Variants in UBAC2 observed in about 807,000 individuals in gnomAD.
UBAC2 encodes the protein ubiquitin-associated domain-containing protein 2.
In UBAC2, 26 loss-of-function variants were observed where a neutral mutation model predicts 44.0. The observed-to-expected ratio is 0.59, with a 90% CI of 0.43 to 0.82. The LOEUF is 0.82. Ranked by LOEUF, UBAC2 falls within the 40% of genes least tolerant of loss-of-function variation. The pLI is 0.00. For synonymous variants in UBAC2, 155 were observed against 154.3 expected, an observed-to-expected ratio of 1.00 and a Z score of -0.04; for missense variants, 329 against 419.4, an observed-to-expected ratio of 0.78 and a Z score of 1.88.
At chr13:99,279,607 C>T (rs1483451692) in intron 4 of UBAC2, among the ~76,000 whole-genome samples, 2 of 152,218 alleles carry the variant, frequency 1.3e-5, no homozygotes, top group Admixed American at 6.5e-5. Context: ...TGCCTCACTG[C>T]CTTAGCCTGT....
intron 4 of UBAC2, among the ~76,000 whole-genome samples, chr13:99,259,730 C>A (rs34286895): frequency 1.3e-5 from 2 of 152,332 alleles, no homozygotes; most frequent in East Asian, 3.9e-4. Flanking sequence ...TGCCTGCATG[C>A]AGACCTAATC....
chr13:99,259,598 TTA>T (rs2138639203), intron 4 of UBAC2, among the ~76,000 whole-genome samples: 1 of 152,322 alleles, frequency 6.6e-6, no homozygotes, highest in East Asian at 1.9e-4. Context: ...TATGAGGTAA[TTA>T]TATTGATCTG....
intron 7 of UBAC2, among the ~76,000 whole-genome samples, chr13:99,355,815 C>T (rs537266005): frequency 1.4e-3 from 206 of 152,342 alleles, no homozygotes; most frequent in Non-Finnish European, 2.4e-3. Context: ...GTGCAGGGGG[C>T]CTGGAGGGCA....
intron 4 of UBAC2, among the ~76,000 whole-genome samples, chr13:99,245,386 G>A: frequency 6.6e-6 from 1 of 152,152 alleles, no homozygotes; most frequent in East Asian, 1.9e-4. Context: ...AACAAAGCCG[G>A]TGTATAGGTT....
intron 4 of UBAC2, among the ~76,000 whole-genome samples, chr13:99,297,597 G>C (rs987062566): frequency 6.6e-6 from 1 of 151,958 alleles, no homozygotes; most frequent in Non-Finnish European, 1.5e-5. Flanking sequence ...AGTGTTGATA[G>C]GTTAGTCATT....
intron 4 of UBAC2, among the ~76,000 whole-genome samples, chr13:99,301,912 T>C (rs2044262797): frequency 6.6e-6 from 1 of 152,226 alleles, no homozygotes; most frequent in Non-Finnish European, 1.5e-5. Context: ...CTAATATTTA[T>C]TTATTTTAAT....
intron 4 of UBAC2, among the ~76,000 whole-genome samples, chr13:99,261,451 C>T (rs893099577): frequency 2.0e-5 from 3 of 152,184 alleles, no homozygotes; most frequent in African/African-American, 7.2e-5. Context: ...TGTGGTTTTT[C>T]TTAAGTCCCA....
chr13:99,304,529 A>G lies in UBAC2; in HGVS notation c.390-9568A>G, dbSNP rs77667628. On this transcript the variant is annotated intron_variant, in intron 4 of 8. Coordinates refer to ENST00000403766, the MANE Select transcript of UBAC2 (RefSeq NM_001144072.2). ...TATGATCGATATTCAATAAATACCCATTAGTTAAAGAATAGCAACATTGCA... is the reference window on the plus strand; with the variant it reads ...TATGATCGATATTCAATAAATACCCGTTAGTTAAAGAATAGCAACATTGCA... 2.8e-3 allele frequency among the ~76,000 whole-genome samples: 425 copies of G among 152,300 alleles called. 9 individuals are homozygous for G. In the East Asian group the frequency reaches 0.072, roughly 26 times the overall value.
At chr13:99,215,962 A>G (rs2042989209) in intron 1 of UBAC2, among the ~76,000 whole-genome samples, 1 of 152,226 alleles carries the variant, frequency 6.6e-6, no homozygotes, top group Non-Finnish European at 1.5e-5. Flanking sequence ...TATTGTAACA[A>G]AAAGAGCAGG....
rs560820628 is a variant in UBAC2 at position 99,300,373 on chromosome 13, C to T, written c.390-13724C>T. ...TTAGTAACCTCTTGAAGGATGATTC[C>T]GCTAGCTGGCCCTAATATGTCACTT... On this transcript the variant is annotated intron_variant, in intron 4 of 8. Transcript: ENST00000403766. Among the ~76,000 whole-genome samples the T allele has an allele frequency of 8.5e-5, 13 of 152,288 alleles. No homozygotes were observed. In the South Asian group the frequency reaches 1.9e-3, roughly 22 times the overall value.
At chr13:99,303,557 T>C (rs1313564221) in intron 4 of UBAC2, among the ~76,000 whole-genome samples, 1 of 152,176 alleles carries the variant, frequency 6.6e-6, no homozygotes, top group Admixed American at 6.5e-5. Context: ...ATAATACTCA[T>C]TTTAGTGTAA....
intron 8 of UBAC2, chr13:99,377,435 C>T (rs534290996): frequency 6.6e-6 from 1 of 152,196 alleles, no homozygotes; most frequent in South Asian, 2.1e-4. Flanking sequence ...GCTTCTCATC[C>T]CAGTAGCTGG....
At chr13:99,207,371 A>G (rs976564933) in intron 1 of UBAC2, among the ~76,000 whole-genome samples, 30 of 152,174 alleles carry the variant, frequency 2.0e-4, no homozygotes, top group Non-Finnish European at 4.0e-4. Flanking sequence ...TTCTGAGCCT[A>G]TTCTTAAAAA....
intron 1 of UBAC2, chr13:99,215,251 A>G (rs1316142679): frequency 7.6e-6 from 5 of 655,018 alleles, no homozygotes; most frequent in Middle Eastern, 2.6e-4. Flanking sequence ...AACTTGCCCA[A>G]ATAGAATTAC....
intron 4 of UBAC2, chr13:99,296,188 T>A: frequency 6.6e-7 from 1 of 1,521,616 alleles, no homozygotes; most frequent in South Asian, 1.3e-5. Flanking sequence ...AGAAGGATCA[T>A]ATAAGTAAAA....
intron 4 of UBAC2, among the ~76,000 whole-genome samples, chr13:99,309,539 A>G (rs965549968): frequency 1.4e-4 from 21 of 152,194 alleles, no homozygotes; most frequent in Admixed American, 1.2e-3. Flanking sequence ...ATTGCTGTTG[A>G]AAGTTACCAG....
At chr13:99,271,382 G>A (rs957221014) in intron 4 of UBAC2, among the ~76,000 whole-genome samples, 1 of 152,192 alleles carries the variant, frequency 6.6e-6, no homozygotes, top group African/African-American at 2.4e-5. Flanking sequence ...AAGGCCCTCA[G>A]GTGGAGATGG....
chr13:99,330,836 A>C (rs1375436968), intron 6 of UBAC2, among the ~76,000 whole-genome samples: 1 of 152,208 alleles, frequency 6.6e-6, no homozygotes, highest in Non-Finnish European at 1.5e-5. Context: ...ATTTTTCATC[A>C]AAGGTAAGAA....
intron 8 of UBAC2, among the ~76,000 whole-genome samples, chr13:99,378,093 C>T (rs1417176139): frequency 2.0e-5 from 3 of 152,196 alleles, no homozygotes; most frequent in African/African-American, 7.2e-5. Flanking sequence ...TTCTCTGTGT[C>T]GTCTGTAGAC....
Sources: gnomAD v4.1 joint callset for allele counts (sites outside exome capture counted in the v4.1 genomes callset) on GRCh38, gnomAD v4.1.1 for gene constraint, MANE v1.5 for transcripts, NCBI Gene and HGNC (gene_info 2026-07-23, HGNC 2026-07-21) for gene names.